The following DIP2B variants were observed in gnomAD, a reference collection of about 807,000 sequenced individuals.
DIP2B encodes DIP2 acetate--CoA ligase B (putative).
A neutral mutation model predicts 198.0 loss-of-function variants in DIP2B; 76 were observed. That is an observed-to-expected ratio of 0.38 (90% CI 0.32 to 0.46). The LOEUF is 0.46. Ranked by LOEUF, DIP2B falls within the 20% of genes least tolerant of loss-of-function variation. The pLI is 0.99. For missense variants in DIP2B, 1,559 were observed against 1,978.4 expected (o/e 0.79, Z 4.02); for synonymous variants, 701 against 739.1 (o/e 0.95, Z 0.84).
At position 50,605,724 on chromosome 12, in the gene DIP2B, T is replaced by G. The variant is rs533203140; in HGVS notation, c.101-20252T>G. Among the ~76,000 whole-genome samples, 6 of 152,336 alleles carry G rather than the reference T, an allele frequency of 3.9e-5. No homozygotes were observed. In the South Asian group the frequency reaches 1.2e-3, roughly 32 times the overall value. ...GTATGGTGTTTTATGAATGGCTTCT[T>G]TCACTTACCATGTTTTCAAGGTTCA... On this transcript the variant is annotated intron_variant, in intron 1 of 37. Transcript: ENST00000301180.
intron 3 of DIP2B, among the ~76,000 whole-genome samples, chr12:50,653,566 T>A (rs1304524163): frequency 6.6e-6 from 1 of 151,690 alleles, no homozygotes; most frequent in Non-Finnish European, 1.5e-5. Context: ...GGTCTCGACC[T>A]CCTAGGCTCA....
intron 1 of DIP2B, among the ~76,000 whole-genome samples, chr12:50,551,752 T>G (rs1277476768): frequency 2.0e-5 from 3 of 152,228 alleles, no homozygotes; most frequent in African/African-American, 7.2e-5. Context: ...CCCAATGTCC[T>G]TCCTTTTTAA....
intron 27 of DIP2B, 40 bp from the exon 28 acceptor site, chr12:50,724,735 T>C (rs1939899851): frequency 6.3e-7 from 1 of 1,591,116 alleles, no homozygotes; most frequent in South Asian, 1.1e-5. Flanking sequence ...ATGTTGGGGC[T>C]GAGCCTCCTG....
At chr12:50,626,782 T>G (rs1245022963) in intron 2 of DIP2B, among the ~76,000 whole-genome samples, 1 of 151,958 alleles carries the variant, frequency 6.6e-6, no homozygotes, top group Admixed American at 6.6e-5. Flanking sequence ...GGCTTTTTTT[T>G]TTTTTTTTTA....
intron 32 of DIP2B, 62 bp downstream of exon 32, chr12:50,732,598 A>G: frequency 2.5e-6 from 4 of 1,587,370 alleles, no homozygotes; most frequent in Non-Finnish European, 2.6e-6. Flanking sequence ...ATCCCAGAGC[A>G]TGGGCTTTGG....
chr12:50,569,122 A>T, intron 1 of DIP2B, among the ~76,000 whole-genome samples: 1 of 145,208 alleles, frequency 6.9e-6, no homozygotes, highest in African/African-American at 2.6e-5. Context: ...AGCTCTTTTT[A>T]ATGCATGGGA....
chr12:50,731,590 G>T, intron 31 of DIP2B, 53 bp downstream of exon 31: 1 of 1,562,540 alleles, frequency 6.4e-7, no homozygotes, highest in South Asian at 1.2e-5. Context: ...GAAGAAATGC[G>T]CCAGGACGTA....
At chr12:50,619,073 G>A (rs923532839) in intron 1 of DIP2B, among the ~76,000 whole-genome samples, 3 of 151,992 alleles carry the variant, frequency 2.0e-5, no homozygotes, top group African/African-American at 7.3e-5. Flanking sequence ...GCATAGCTGT[G>A]ACTTTAAAGC....
intron 1 of DIP2B, among the ~76,000 whole-genome samples, chr12:50,592,079 G>T (rs961917320): frequency 4.0e-5 from 6 of 151,470 alleles, no homozygotes; most frequent in Admixed American, 2.6e-4. Context: ...GGGTCTCACC[G>T]TGTTGACCAG....
chr12:50,714,862 G>A (rs1939685474), intron 23 of DIP2B, among the ~76,000 whole-genome samples: 1 of 152,188 alleles, frequency 6.6e-6, no homozygotes, highest in Non-Finnish European at 1.5e-5. Context: ...GATGGCTTGA[G>A]CCTGGGAGGT....
chr12:50,600,619 T>G (rs1003849992), intron 1 of DIP2B, among the ~76,000 whole-genome samples: 1 of 152,134 alleles, frequency 6.6e-6, no homozygotes, highest in Non-Finnish European at 1.5e-5. Flanking sequence ...AGTTTTTAAA[T>G]CAGTGGCTTG....
At chr12:50,642,168 T>C (rs2139488395) in intron 3 of DIP2B, among the ~76,000 whole-genome samples, 1 of 151,592 alleles carries the variant, frequency 6.6e-6, no homozygotes. Flanking sequence ...CCTAAACTGG[T>C]CTTGAGTGAT....
chr12:50,709,098 T>C (rs1939565942), intron 22 of DIP2B, among the ~76,000 whole-genome samples: 1 of 152,234 alleles, frequency 6.6e-6, no homozygotes, highest in Non-Finnish European at 1.5e-5. Flanking sequence ...AGCCTAGTCT[T>C]CACTTAGAAT....
At chr12:50,570,183 G>T (rs571709759) in intron 1 of DIP2B, among the ~76,000 whole-genome samples, 1 of 152,182 alleles carries the variant, frequency 6.6e-6, no homozygotes, top group African/African-American at 2.4e-5. Flanking sequence ...TTAGATATCC[G>T]ATTTAAAATC....
rs55678718 is a variant in DIP2B, at chr12:50,559,709, CCACACA to C, written c.100+54500_100+54505del. On this transcript the variant is annotated intron_variant, in intron 1 of 37. Coordinates refer to ENST00000301180, the MANE Select transcript of DIP2B (RefSeq NM_173602.3). ...TGCACTGTAGCCTCAGTGACAGAAACCACACACACACACACACACACACACACACAC... is the reference window on the plus strand; with the variant it reads ...TGCACTGTAGCCTCAGTGACAGAAACCACACACACACACACACACACACAC... 7.2e-3 allele frequency among the ~76,000 whole-genome samples: 1,011 copies of C among 139,620 alleles called. 13 individuals carry two copies. Among genetic ancestry groups the C allele is most frequent in the African/African-American group, 0.025 (914 of 36,822 alleles). The allele number at this position is 139,620 out of a possible 152,430, so 91.6% of individuals were successfully genotyped here.
chr12:50,676,957 G>T (rs1938956552), intron 7 of DIP2B, among the ~76,000 whole-genome samples: 1 of 152,196 alleles, frequency 6.6e-6, no homozygotes. Context: ...AAATTGGGGA[G>T]TGAAACTATT....
intron 35 of DIP2B, 61 bp downstream of exon 35, chr12:50,737,171 A>G (rs1940152304): frequency 2.0e-6 from 3 of 1,481,474 alleles, no homozygotes; most frequent in Non-Finnish European, 2.8e-6. Context: ...TAGGGTTCAC[A>G]TTTTAGAAAT....
chr12:50,703,401 C>A (rs1939457640), intron 19 of DIP2B, among the ~76,000 whole-genome samples: 1 of 151,820 alleles, frequency 6.6e-6, no homozygotes, highest in Non-Finnish European at 1.5e-5. Context: ...GTTTTATAGG[C>A]CAGCCAATTA....
At position 50,732,430 on chromosome 12, in the gene DIP2B, T is replaced by C; in HGVS notation, c.3875T>C (p.Val1292Ala). ...CVVVAEERPR[V>A]ALQQSFSKLF... ...GTGGTGGCGGAGGAGAGGCCCCGCG[T>C]TGCACTCCAGCAGTCCTTCTCTAAG... The change falls in exon 32 of 38, where the codon GTT becomes GCT. Residue 1292 changes from valine (V) to alanine (A), a missense_variant. Transcript: ENST00000301180. 6.2e-7 allele frequency: 1 copy of C among 1,614,226 alleles called. No homozygotes were observed. The highest frequency in any genetic ancestry group is 2.2e-5 in the East Asian group (1 of 44,888).
Sources: gnomAD v4.1 joint callset for allele counts (sites outside exome capture counted in the v4.1 genomes callset) on GRCh38, gnomAD v4.1.1 for gene constraint, MANE v1.5 for transcripts, NCBI Gene and HGNC (gene_info 2026-07-23, HGNC 2026-07-21) for gene names.